Variants in CAPNS1 observed in about 807,000 individuals in gnomAD.
The protein encoded by CAPNS1 is calpain small subunit 1.
In CAPNS1, 32 loss-of-function variants were observed where a neutral mutation model predicts 39.2. The observed-to-expected ratio is 0.82, with a 90% confidence interval of 0.62 to 1.10. CAPNS1 has a LOEUF of 1.10. Ranked by LOEUF, CAPNS1 falls within the 50% of genes least tolerant of loss-of-function variation. CAPNS1 has a pLI of 0.00. For synonymous variants in CAPNS1, 153 were observed against 136.2 expected, an observed-to-expected ratio of 1.12 and a Z score of -0.86; for missense variants, 353 against 373.1, an observed-to-expected ratio of 0.95 and a Z score of 0.44.
intron 1 of CAPNS1, 184 bp from the exon 2 acceptor site, chr19:36,140,813 G>T: frequency 1.3e-6 from 1 of 754,798 alleles, no homozygotes; most frequent in Non-Finnish European, 2.0e-6. Flanking sequence ...TTAGACCTGA[G>T]GAGGTTGCAA....
At chr19:36,142,522 A>G (rs1974413381) in intron 3 of CAPNS1, 130 bp from the exon 4 acceptor site, 1 of 744,448 alleles carries the variant, frequency 1.3e-6, no homozygotes. Context: ...CCCATTCACT[A>G]CCACCCCTCA....
chr19:36,142,553 C>T, intron 3 of CAPNS1, 99 bp from the exon 4 acceptor site: 1 of 911,510 alleles, frequency 1.1e-6, no homozygotes, highest in African/African-American at 1.6e-5. Context: ...CATCAAGCTG[C>T]CCAGCCCACT....
chr19:36,147,171 T>C (rs1455035348), intron 9 of CAPNS1, among the ~76,000 whole-genome samples: 2 of 152,228 alleles, frequency 1.3e-5, no homozygotes, highest in East Asian at 3.8e-4. Context: ...TACTGAATGC[T>C]GAAGACATGG....
At chr19:36,143,013 G>T (rs1974435958) in intron 5 of CAPNS1, 47 bp downstream of exon 5, 1 of 1,612,474 alleles carries the variant, frequency 6.2e-7, no homozygotes, top group Non-Finnish European at 8.5e-7. Flanking sequence ...AGGCAGAGGG[G>T]TCAGAGAGGA....
In CAPNS1 at chr19:36,143,106, G is replaced by A. The variant is rs1424161891; in HGVS notation, c.434G>A (p.Arg145His). 10 of 1,614,042 alleles carry A rather than the reference G, an allele frequency of 6.2e-6. No homozygotes were observed. Among genetic ancestry groups the A allele is most frequent in the East Asian group, 4.5e-5 (2 of 44,898 alleles). ...KTDGFGIDTC[R>H]SMVAVMDSDT... ...GATGGTTTTGGCATTGACACATGTCGCAGCATGGTGGCCGTGATGGATGTA... is the reference window on the plus strand; with the variant it reads ...GATGGTTTTGGCATTGACACATGTCACAGCATGGTGGCCGTGATGGATGTA... Residue 145 changes from arginine (R) to histidine (H), a missense_variant, in exon 6 of 11, where the codon CGC becomes CAC. By Grantham distance (29) the Arg-to-His change is conservative. Coordinates refer to ENST00000246533, the MANE Select transcript of CAPNS1 (RefSeq NM_001749.4).
chr19:36,140,774 C>A, intron 1 of CAPNS1: 1 of 527,820 alleles, frequency 1.9e-6, no homozygotes, highest in South Asian at 2.4e-5. Context: ...GCACCCAGTC[C>A]AGGCTCCCTC....
intron 1 of CAPNS1, 138 bp from the exon 2 acceptor site, chr19:36,140,859 A>G: frequency 1.5e-6 from 2 of 1,368,804 alleles, no homozygotes; most frequent in Non-Finnish European, 2.0e-6. Flanking sequence ...CCATCCGCGG[A>G]CAACCCGCCC....
At position 36,142,867 on chromosome 19, in the gene CAPNS1, C is replaced by T. The variant is rs766542228; in HGVS notation, c.334-42C>T. ...CCATTCTCCATGACATTCTCAGACC[C>T]CTTTCAGTCACCCCTGACCTGCCCC... On this transcript the variant is annotated intron_variant, in intron 4 of 10. Coordinates refer to ENST00000246533, the MANE Select transcript of CAPNS1 (RefSeq NM_001749.4). The T allele has an allele frequency of 3.1e-6, 5 of 1,609,974 alleles. No individual in the cohort carries two copies. In the East Asian group the frequency reaches 1.1e-4, roughly 36 times the overall value.
intron 3 of CAPNS1, 80 bp from the exon 4 acceptor site, chr19:36,142,572 C>A: frequency 8.6e-7 from 1 of 1,163,126 alleles, no homozygotes. Context: ...CTCTGACTTC[C>A]CCACCCAGGG....
chr19:36,141,582 C>CT, intron 2 of CAPNS1: 1 of 1,102,538 alleles, frequency 9.1e-7, no homozygotes, highest in Non-Finnish European at 1.1e-6. Flanking sequence ...GCCAATGCGT[C>CT]TGAGTGACAT....
At chr19:36,145,512 AT>A in intron 6 of CAPNS1, 1 of 323,628 alleles carries the variant, frequency 3.1e-6, no homozygotes, top group Non-Finnish European at 5.8e-6. Flanking sequence ...CCTATTAAGA[AT>A]TTTCTGAATG....
At chr19:36,143,345 C>G (rs1303050605) in intron 6 of CAPNS1, among the ~76,000 whole-genome samples, 11 of 152,156 alleles carry the variant, frequency 7.2e-5, no homozygotes, top group Non-Finnish European at 1.5e-5. Flanking sequence ...CATAACCACC[C>G]TGTTGGACAG....
chr19:36,146,621 A>G (rs1023116274), intron 9 of CAPNS1, among the ~76,000 whole-genome samples: 5 of 152,090 alleles, frequency 3.3e-5, no homozygotes, highest in Admixed American at 6.6e-5. Flanking sequence ...GCGTGCTCAG[A>G]TTGTGCTTGG....
chr19:36,149,866 C>T lies in CAPNS1; in HGVS notation c.*27C>T. 1 of 1,437,536 alleles carries T rather than the reference C, an allele frequency of 7.0e-7. No individual in the cohort carries two copies. The highest frequency in any genetic ancestry group is 9.2e-7 in the Non-Finnish European group (1 of 1,088,094). The allele number at this position is 1,437,536 out of a possible 1,614,324, so 89.0% of individuals were successfully genotyped here. Reference sequence around the variant, plus strand: ...CTGGAGCCCCAGACCCGCCCCCTCACTGCCTTGCTATAGGAGTCACCTGGA... The same window carrying T: ...CTGGAGCCCCAGACCCGCCCCCTCATTGCCTTGCTATAGGAGTCACCTGGA... On this transcript the variant is annotated 3_prime_UTR_variant, in exon 11 of 11. Coordinates refer to ENST00000246533, the MANE Select transcript of CAPNS1 (RefSeq NM_001749.4).
chr19:36,141,105 C>T lies in CAPNS1; in HGVS notation c.94C>T (p.Leu32=), dbSNP rs753361497. 7.1e-7 allele frequency: 1 copy of T among 1,417,384 alleles called. No homozygotes were observed. Among genetic ancestry groups the T allele is most frequent in the South Asian group, 1.5e-5 (1 of 67,778 alleles). The allele number at this position is 1,417,384 out of a possible 1,614,324, so 87.8% of individuals were successfully genotyped here. Residue 32 remains leucine, a synonymous_variant, in exon 2 of 11, where the codon CTG becomes TTG. Coordinates refer to ENST00000246533, the MANE Select transcript of CAPNS1 (RefSeq NM_001749.4). ...GGGLGNVLGG[L]ISGAGGGGGG... ...GGGCCTGGGAAATGTGCTTGGAGGCCTGATCAGCGGGGCCGGGGGCGGCGG... is the reference window on the plus strand; with the variant it reads ...GGGCCTGGGAAATGTGCTTGGAGGCTTGATCAGCGGGGCCGGGGGCGGCGG...
chr19:36,142,185 A>G, intron 2 of CAPNS1, 115 bp from the exon 3 acceptor site: 4 of 783,570 alleles, frequency 5.1e-6, no homozygotes, highest in Non-Finnish European at 9.4e-6. Context: ...AGGCACAGCA[A>G]CCAAGTAAGG....
At chr19:36,141,478 T>C in intron 2 of CAPNS1, 1 of 1,259,600 alleles carries the variant, frequency 7.9e-7, no homozygotes, top group African/African-American at 1.6e-5. Context: ...AATGTGGTCC[T>C]GAGGGGACTG....
At position 36,141,056 on chromosome 19, in the gene CAPNS1, C is replaced by G. The variant is rs567500165; in HGVS notation, c.45C>G (p.Gly15=). Residue 15 remains glycine, a synonymous_variant, in exon 2 of 11, where the codon GGC becomes GGG. Transcript: ENST00000246533. ...TCTTGAAGGGCGGCGGCGGCGGCGG[C>G]GGGGGAGGCGGGGGCCTGGGTGGGG... ...NSFLKGGGGG[G]GGGGGLGGGL... is the part of the protein sequence containing the mutation. The G allele has an allele frequency of 7.8e-5, 43 of 552,270 alleles. No homozygotes were observed. Among genetic ancestry groups the G allele is most frequent in the East Asian group, 2.3e-4 (3 of 13,306 alleles). 34.2% of individuals were successfully genotyped at this position (552,270 alleles called of 1,614,324 possible). A position where few individuals can be genotyped will look rare whatever the true frequency, so the allele number is the denominator to read the frequency against.
intron 6 of CAPNS1, 75 bp from the exon 7 acceptor site, chr19:36,145,731 C>G (rs758731874): frequency 2.3e-6 from 3 of 1,315,806 alleles, no homozygotes; most frequent in Non-Finnish European, 2.2e-6. Context: ...CTTGCTGTAT[C>G]ACCATCGTGT....
Sources: allele counts gnomAD v4.1 joint callset (sites outside exome capture counted in the v4.1 genomes callset), GRCh38; gene constraint gnomAD v4.1.1; transcripts MANE v1.5; gene names NCBI Gene and HGNC (gene_info 2026-07-23, HGNC 2026-07-21).